ME1: variants seen among roughly 807,000 people sequenced by gnomAD.
ME1 encodes NADP-dependent malic enzyme.
A neutral mutation model predicts 66.4 loss-of-function variants in ME1; 74 were observed. The observed-to-expected ratio is 1.11, with a 90% CI of 0.92 to 1.35. The LOEUF (loss-of-function observed/expected upper bound fraction) is 1.35. Among genes scored for constraint, ME1 ranks in the 40% most tolerant of loss-of-function variants. The pLI is 0.00. For missense variants in ME1, 750 were observed against 694.1 expected, an observed-to-expected ratio of 1.08 and a Z score of -0.90; for synonymous variants, 251 against 235.6, an observed-to-expected ratio of 1.07 and a Z score of -0.60.
intron 5 of ME1, among the ~76,000 whole-genome samples, chr6:83,325,936 A>T (rs1369556209): frequency 6.8e-6 from 1 of 146,378 alleles, no homozygotes; most frequent in Non-Finnish European, 1.5e-5. Context: ...AAACACAAAA[A>T]AACGAAGCAA....
chr6:83,326,668 C>A (rs1455166123), intron 5 of ME1, among the ~76,000 whole-genome samples: 1 of 152,174 alleles, frequency 6.6e-6, no homozygotes, highest in Non-Finnish European at 1.5e-5. Flanking sequence ...AAATGCCAAT[C>A]AGAACCACAA....
At chr6:83,416,502 T>A (rs1014541694) in intron 1 of ME1, among the ~76,000 whole-genome samples, 12 of 152,130 alleles carry the variant, frequency 7.9e-5, no homozygotes. Flanking sequence ...TATGGATGAG[T>A]AATTAAGGAG....
intron 3 of ME1, among the ~76,000 whole-genome samples, chr6:83,384,282 C>T (rs1561998428): frequency 6.6e-6 from 1 of 151,906 alleles, no homozygotes; most frequent in Non-Finnish European, 1.5e-5. Context: ...AATTTACATT[C>T]CCACCAGCAG....
chr6:83,409,229 C>T (rs1218927323), intron 1 of ME1, among the ~76,000 whole-genome samples: 3 of 152,136 alleles, frequency 2.0e-5, no homozygotes. Flanking sequence ...CATGGTATTC[C>T]GTTATGGCAG....
intron 6 of ME1, among the ~76,000 whole-genome samples, chr6:83,281,338 A>C (rs780779065): frequency 5.3e-5 from 8 of 152,240 alleles, no homozygotes; most frequent in Non-Finnish European, 1.5e-5. Context: ...AAAAACAACA[A>C]TTACTACTAA....
intron 1 of ME1, among the ~76,000 whole-genome samples, chr6:83,408,947 C>A (rs1173415478): frequency 1.3e-5 from 2 of 152,106 alleles, no homozygotes; most frequent in Non-Finnish European, 2.9e-5. Context: ...AAATCCTCAC[C>A]CCCAAGGCGA....
chr6:83,352,064 C>T lies in ME1; in HGVS notation c.438G>A (p.Lys146=), dbSNP rs1390108442. ...ATAGTGGAAAAACATGATAACTTAC[C>T]TTGATGACATCTTCTGGCCATGCAT... ...VLNAWPEDVI[K]AIVVTDGERI... The change falls in exon 4 of 14, where the codon AAG becomes AAA. Residue 146 remains lysine, a splice_region_variant and synonymous_variant. Transcript: ENST00000369705. 1 of 1,587,970 alleles carries T rather than the reference C, an allele frequency of 6.3e-7. No individual in the cohort carries two copies. Among genetic ancestry groups the T allele is most frequent in the Non-Finnish European group, 8.6e-7 (1 of 1,165,794 alleles).
At chr6:83,290,211 T>C (rs879737676) in intron 6 of ME1, among the ~76,000 whole-genome samples, 1 of 152,174 alleles carries the variant, frequency 6.6e-6, no homozygotes, top group Non-Finnish European at 1.5e-5. Context: ...TTCTTTTAAT[T>C]GTGATGTTAG....
intron 6 of ME1, among the ~76,000 whole-genome samples, chr6:83,312,862 C>T (rs921455949): frequency 2.6e-5 from 4 of 152,104 alleles, no homozygotes; most frequent in African/African-American, 7.2e-5. Context: ...TCAGGCAATT[C>T]TCGTCTCTCA....
intron 9 of ME1, among the ~76,000 whole-genome samples, chr6:83,236,647 T>C (rs1475932980): frequency 6.6e-6 from 1 of 152,210 alleles, no homozygotes; most frequent in African/African-American, 2.4e-5. Flanking sequence ...ATGAAGTAGA[T>C]ACTATTATCA....
chr6:83,421,370 A>G (rs1274146186), intron 1 of ME1, among the ~76,000 whole-genome samples: 1 of 152,204 alleles, frequency 6.6e-6, no homozygotes, highest in Non-Finnish European at 1.5e-5. Flanking sequence ...TCACACATTC[A>G]TACCTTAAAA....
intron 6 of ME1, among the ~76,000 whole-genome samples, chr6:83,281,316 G>T (rs1767281640): frequency 1.3e-5 from 2 of 152,100 alleles, no homozygotes; most frequent in Non-Finnish European, 2.9e-5. Context: ...ATTTCATGTG[G>T]CTTGGCACTT....
chr6:83,224,055 A>G, intron 11 of ME1, 122 bp from the exon 12 acceptor site: 1 of 870,060 alleles, frequency 1.1e-6, no homozygotes, highest in Non-Finnish European at 1.7e-6. Flanking sequence ...CTAGTTTTTT[A>G]TTAACTTGCT....
intron 2 of ME1, among the ~76,000 whole-genome samples, chr6:83,405,375 G>T (rs949383581): frequency 6.6e-6 from 1 of 152,206 alleles, no homozygotes; most frequent in Admixed American, 6.5e-5. Context: ...AGACTTTGCT[G>T]AAGTTGCTTA....
intron 6 of ME1, among the ~76,000 whole-genome samples, chr6:83,298,220 A>G (rs1188211834): frequency 6.6e-6 from 1 of 152,134 alleles, no homozygotes; most frequent in African/African-American, 2.4e-5. Context: ...CCTCACCAGC[A>G]TCTGTTGTTT....
At chr6:83,412,982 A>G (rs1562007408) in intron 1 of ME1, among the ~76,000 whole-genome samples, 2 of 152,356 alleles carry the variant, frequency 1.3e-5, no homozygotes, top group South Asian at 4.1e-4. Context: ...ATTGAATTTT[A>G]TTAGACTCTA....
chr6:83,396,440 G>A (rs1769732767), intron 3 of ME1, among the ~76,000 whole-genome samples: 1 of 151,990 alleles, frequency 6.6e-6, no homozygotes, highest in African/African-American at 2.4e-5. Context: ...ATCTGTATGT[G>A]GAAAACTACA....
chr6:83,244,729 G>A (rs1050944943), intron 7 of ME1, among the ~76,000 whole-genome samples: 2 of 151,968 alleles, frequency 1.3e-5, no homozygotes, highest in Admixed American at 6.6e-5. Context: ...TATTGAGGTC[G>A]TGTGGAATGA....
At chr6:83,295,357 AGT>A (rs1767578533) in intron 6 of ME1, among the ~76,000 whole-genome samples, 2 of 152,240 alleles carry the variant, frequency 1.3e-5, no homozygotes, top group Admixed American at 6.5e-5. Flanking sequence ...AAATGGCCAG[AGT>A]ATCTTCTGTC....
Sources: gnomAD v4.1 joint callset for allele counts (sites outside exome capture counted in the v4.1 genomes callset) on GRCh38, gnomAD v4.1.1 for gene constraint, MANE v1.5 for transcripts, NCBI Gene and HGNC (gene_info 2026-07-23, HGNC 2026-07-21) for gene names.